ANTXR1: variants seen among roughly 807,000 people sequenced by gnomAD.
The protein encoded by ANTXR1 is anthrax toxin receptor 1.
Under a neutral mutation model 78.1 loss-of-function variants are expected in ANTXR1, and 19 were observed. That is an observed-to-expected ratio of 0.24 (90% CI 0.17 to 0.36). The LOEUF is 0.36. ANTXR1 is among the 10% of genes least tolerant of loss of function. ANTXR1 has a pLI of 1.00. For missense variants in ANTXR1, 518 were observed against 718.6 expected (o/e 0.72, Z 3.19); for synonymous variants, 273 against 260.5 (o/e 1.05, Z -0.46).
At chr2:69,132,939 T>C (rs1314796930) in intron 12 of ANTXR1, among the ~76,000 whole-genome samples, 2 of 152,198 alleles carry the variant, frequency 1.3e-5, no homozygotes, top group Non-Finnish European at 2.9e-5. Flanking sequence ...ATTATACAAT[T>C]TGGGGTATAA....
chr2:69,102,988 G>T (rs1354733059), intron 10 of ANTXR1, 48 bp downstream of exon 10: 1 of 1,556,650 alleles, frequency 6.4e-7, no homozygotes, highest in Non-Finnish European at 8.9e-7. Context: ...TGGCTTCAAG[G>T]AAGGGAATTC....
At chr2:69,121,668 T>C (rs1298530619) in intron 10 of ANTXR1, among the ~76,000 whole-genome samples, 1 of 152,334 alleles carries the variant, frequency 6.6e-6, no homozygotes, top group East Asian at 1.9e-4. Flanking sequence ...TAATAATATA[T>C]GTATTCCTTT....
chr2:69,054,794 A>G (rs906918654), intron 3 of ANTXR1, among the ~76,000 whole-genome samples: 1 of 152,228 alleles, frequency 6.6e-6, no homozygotes, highest in African/African-American at 2.4e-5. Context: ...AAGGAGAAAG[A>G]GTCTTAAGAT....
intron 10 of ANTXR1, among the ~76,000 whole-genome samples, chr2:69,120,632 C>T (rs1261834084): frequency 6.6e-6 from 1 of 152,014 alleles, no homozygotes; most frequent in African/African-American, 2.4e-5. Context: ...TGTGCCACTG[C>T]ACTCCAGCCT....
At chr2:69,181,295 T>C (rs1674269445) in intron 14 of ANTXR1, among the ~76,000 whole-genome samples, 1 of 152,048 alleles carries the variant, frequency 6.6e-6, no homozygotes, top group South Asian at 2.1e-4. Flanking sequence ...TGGGACAAGT[T>C]GGGGAGAGGC....
At chr2:69,131,023 CAAATT>C (rs1289999705) in intron 12 of ANTXR1, among the ~76,000 whole-genome samples, 2 of 152,070 alleles carry the variant, frequency 1.3e-5, no homozygotes, top group Non-Finnish European at 2.9e-5. Context: ...AATATTTAGA[CAAATT>C]AAACACATGA....
At chr2:69,139,516 G>A (rs1673011021) in intron 12 of ANTXR1, among the ~76,000 whole-genome samples, 1 of 152,142 alleles carries the variant, frequency 6.6e-6, no homozygotes, top group Non-Finnish European at 1.5e-5. Context: ...TAAGTTCTTG[G>A]TTTATTGACA....
At chr2:69,077,554 AC>A in intron 8 of ANTXR1, 66 bp downstream of exon 8, 1 of 1,511,178 alleles carries the variant, frequency 6.6e-7, no homozygotes, top group Non-Finnish European at 9.2e-7. Context: ...TGCTATTAAT[AC>A]CCCAATTCCA....
In ANTXR1 at chr2:69,013,709, C is replaced by T; in HGVS notation, c.152+58C>T. ...GCTAAGCGGGCGAAAACGCTTTCGC[C>T]CCGGGCCGGGCTCGTTGGCAGGGTC... On this transcript the variant is annotated intron_variant, in intron 1 of 17. Transcript: ENST00000303714. The surrounding 1 kb of genome is among the most constrained non-coding windows in gnomAD (Gnocchi z 5.0). The T allele has an allele frequency of 6.4e-7, 1 of 1,550,964 alleles. No individual in the cohort carries two copies. The highest frequency in any genetic ancestry group is 8.7e-7 in the Non-Finnish European group (1 of 1,146,634).
At chr2:69,096,466 A>C (rs1284759871) in intron 9 of ANTXR1, among the ~76,000 whole-genome samples, 1 of 147,404 alleles carries the variant, frequency 6.8e-6, no homozygotes, top group East Asian at 2.0e-4. Context: ...TCAGGAAAGA[A>C]AGAAAGAGAG....
At chr2:69,134,867 A>G (rs771781890) in intron 12 of ANTXR1, 3 of 195,866 alleles carry the variant, frequency 1.5e-5, no homozygotes, top group Non-Finnish European at 3.3e-5. Context: ...CAAACAACAC[A>G]TTAGTCCCAA....
intron 9 of ANTXR1, among the ~76,000 whole-genome samples, chr2:69,093,370 A>G (rs759131456): frequency 6.6e-6 from 1 of 152,252 alleles, no homozygotes; most frequent in Non-Finnish European, 1.5e-5. Flanking sequence ...AAGTAAAAGG[A>G]AAAATCTCCA....
chr2:69,098,944 T>C (rs1671517961), intron 9 of ANTXR1, among the ~76,000 whole-genome samples: 1 of 152,148 alleles, frequency 6.6e-6, no homozygotes, highest in Admixed American at 6.5e-5. Context: ...CAAGATCACG[T>C]CACTGCACTC....
At position 69,066,296 on chromosome 2, in the gene ANTXR1, CTTTTA is replaced by C. The variant is rs1388577153; in HGVS notation, c.297-4347_297-4343del. Reference sequence around the variant, plus strand: ...GTCCATCTTTTATTTTTTTTTCTTTCTTTTATTTATTTTTTTAGAGACGGAGTTTT... The same window carrying C: ...GTCCATCTTTTATTTTTTTTTCTTTCTTTATTTTTTTAGAGACGGAGTTTT... On this transcript the variant is annotated intron_variant, in intron 3 of 17. Coordinates refer to ENST00000303714, the MANE Select transcript of ANTXR1 (RefSeq NM_032208.3). Among the ~76,000 whole-genome samples the C allele has an allele frequency of 2.7e-5, 4 of 150,892 alleles. No homozygotes were observed. The East Asian group carries it at 7.8e-4, about 29-fold the overall frequency.
intron 17 of ANTXR1, among the ~76,000 whole-genome samples, chr2:69,201,824 G>A (rs1674779133): frequency 6.6e-6 from 1 of 152,154 alleles, no homozygotes; most frequent in East Asian, 1.9e-4. Context: ...TTTTTAACTT[G>A]TGGAGTTCAC....
intron 1 of ANTXR1, among the ~76,000 whole-genome samples, chr2:69,028,847 A>T (rs991620112): frequency 1.3e-5 from 2 of 152,224 alleles, no homozygotes; most frequent in Non-Finnish European, 2.9e-5. Flanking sequence ...ATTGCAAAAA[A>T]GTAGATTCAG....
intron 14 of ANTXR1, among the ~76,000 whole-genome samples, chr2:69,172,013 G>A (rs2104453050): frequency 6.6e-6 from 1 of 152,278 alleles, no homozygotes; most frequent in African/African-American, 2.4e-5. Flanking sequence ...CCTGTCCCCT[G>A]TCACTCTATC....
At chr2:69,243,286 G>A (rs146275002) in intron 17 of ANTXR1, among the ~76,000 whole-genome samples, 118 of 152,306 alleles carry the variant, frequency 7.7e-4, no homozygotes, top group South Asian at 3.7e-3. Flanking sequence ...ACCCTGTGAG[G>A]CTGTGAGTTG....
At chr2:69,040,181 G>T in intron 2 of ANTXR1, 66 bp downstream of exon 2, 1 of 1,420,514 alleles carries the variant, frequency 7.0e-7, no homozygotes, top group Non-Finnish European at 9.9e-7. Flanking sequence ...GTCCATGTTT[G>T]CTATTCTATT....
Sources: allele counts gnomAD v4.1 joint callset (sites outside exome capture counted in the v4.1 genomes callset), GRCh38; gene constraint gnomAD v4.1.1; non-coding constraint Gnocchi (gnomAD v3.1); transcripts MANE v1.5; gene names NCBI Gene and HGNC (gene_info 2026-07-23, HGNC 2026-07-21).